The following SARS2 variants were observed in gnomAD, a reference collection of about 807,000 sequenced individuals.
SARS2 encodes the protein serine--tRNA ligase, mitochondrial.
A neutral mutation model predicts 66.8 loss-of-function variants in SARS2; 52 were observed. The ratio of observed to expected loss-of-function variants is 0.78; its 90% CI spans 0.62 to 0.98. SARS2 has a LOEUF of 0.98. Among genes scored for constraint, SARS2 ranks in the 50% least tolerant of loss-of-function variants. The probability of loss-of-function intolerance (pLI) is 0.00; values close to 1 mark genes in which losing one functional copy is unlikely to be tolerated. For missense variants in SARS2, 673 were observed against 706.3 expected, an observed-to-expected ratio of 0.95 and a Z score of 0.53; for synonymous variants, 306 against 281.4, an observed-to-expected ratio of 1.09 and a Z score of -0.87.
Position 38,916,031 on chromosome 19 carries a change from C to T in SARS2, c.1347+6G>A. 6.2e-7 allele frequency: 1 copy of T among 1,613,340 alleles called. No homozygotes were observed. The highest frequency in any genetic ancestry group is 1.1e-5 in the South Asian group (1 of 91,064). ...GCACGCGGGCAGGAGGCTGTGCGGG[C>T]CTCACCGTGTGGGCAAACTGCAGCT... On this transcript the variant is annotated splice_donor_region_variant and intron_variant, in intron 14 of 15. Transcript: ENST00000221431.
rs149460243 is a variant in SARS2, at chr19:38,921,607, G to T, written c.454C>A (p.Leu152Met). Residue 152 changes from leucine (L) to methionine (M), a missense_variant, in exon 4 of 16, where the codon CTG (leucine) becomes ATG (methionine). Coordinates refer to ENST00000221431, the MANE Select transcript of SARS2 (RefSeq NM_017827.4). The part of the protein sequence containing the change: ...GREIRKELVH[L>M]YPREAQLEEQ... The stretch of plus-strand genomic sequence containing the variant: ...TCAAGCTGGGCCTCCCTGGGGTACA[G>T]GTGAACAAGCTCCTTCCGGATCTCC... 5.0e-6 allele frequency: 8 copies of T among 1,614,112 alleles called. No homozygotes were observed. In the African/African-American group the frequency reaches 1.1e-4, roughly 22 times the overall value.
At chr19:38,921,958 C>A (rs761557090) in intron 3 of SARS2, 11 of 1,550,266 alleles carry the variant, frequency 7.1e-6, no homozygotes, top group African/African-American at 6.8e-5. Context: ...AGGACTTTAA[C>A]TGGAACTATC....
chr19:38,926,338 A>T (rs1184585807), intron 1 of SARS2, 38 bp from the exon 2 acceptor site: 2 of 1,583,132 alleles, frequency 1.3e-6, no homozygotes, highest in Non-Finnish European at 1.7e-6. Flanking sequence ...TGAAGCAGCC[A>T]TCACCCCTAC....
intron 2 of SARS2, among the ~76,000 whole-genome samples, chr19:38,923,279 T>TG (rs1285238954): frequency 2.4e-5 from 3 of 127,594 alleles, no homozygotes; most frequent in Admixed American, 8.9e-5. Flanking sequence ...TGGAGTGCAG[T>TG]GGGGGGATCT....
chr19:38,921,903 A>C lies in SARS2; in HGVS notation c.394-236T>G, dbSNP rs976468114. The C allele has an allele frequency of 2.8e-6, 4 of 1,448,358 alleles. No individual in the cohort carries two copies. In the African/African-American group the frequency reaches 5.6e-5, roughly 20 times the overall value. The allele number at this position is 1,448,358 out of a possible 1,614,324, so 89.7% of individuals were successfully genotyped here. A position where few individuals can be genotyped will look rare whatever the true frequency, so the allele number is the denominator to read the frequency against. ...TTGCCTTGGCCACAATGACTGGCTC[A>C]GAGACAGGCACCTGATGTCAGCTGA... is the stretch of plus-strand genomic sequence containing the variant. On this transcript the variant is annotated intron_variant, in intron 3 of 15. Transcript: ENST00000221431.
rs200211859 is a variant in SARS2, at chr19:38,917,966, C to A, written c.1005G>T (p.Thr335=). Residue 335 remains threonine (T), a synonymous_variant, in exon 11 of 16, where the codon ACG becomes ACT. Coordinates refer to ENST00000221431, the MANE Select transcript of SARS2 (RefSeq NM_017827.4). ...SSTCYRAETN[T]GQEPRGLYRV... is the part of the protein sequence containing the mutation. The stretch of plus-strand genomic sequence containing the variant: ...GATACAGCCCCCGGGGTTCCTGTCC[C>A]GTGTTTGTCTCTGCCCGGTAGCAGG... The A allele has an allele frequency of 1.1e-5, 18 of 1,607,322 alleles. No individual in the cohort carries two copies. The East Asian group carries it at 1.8e-4, about 16-fold the overall frequency.
intron 2 of SARS2, among the ~76,000 whole-genome samples, chr19:38,924,598 G>A (rs1011032639): frequency 1.3e-5 from 2 of 152,140 alleles, no homozygotes; most frequent in South Asian, 4.2e-4. Flanking sequence ...GCCTAGGTGC[G>A]AACCTTGCCT....
Position 38,918,761 on chromosome 19 carries a change from C to T in SARS2, c.807+5G>A. On this transcript the variant is annotated splice_donor_5th_base_variant and intron_variant, in intron 8 of 15. Transcript: ENST00000221431. ...GGGCGAGGGAAGCGGAGAGGCCTCA[C>T]TCACAAACACTGCTCCGCGGAGAAG... 1 of 1,559,052 alleles carries T rather than the reference C, an allele frequency of 6.4e-7. No homozygotes were observed. The highest frequency in any genetic ancestry group is 1.4e-5 in the African/African-American group (1 of 74,034).
chr19:38,915,517 A>C lies in SARS2; in HGVS notation c.*89T>G, dbSNP rs1156644921. 1 of 1,504,962 alleles carries C rather than the reference A, an allele frequency of 6.6e-7. No homozygotes were observed. Among genetic ancestry groups the C allele is most frequent in the Admixed American group, 1.8e-5 (1 of 57,000 alleles). 93.2% of individuals were successfully genotyped at this position (1,504,962 alleles called of 1,614,324 possible). A position where few individuals can be genotyped will look rare whatever the true frequency, so the allele number is the denominator to read the frequency against. On this transcript the variant is annotated 3_prime_UTR_variant, in exon 16 of 16. Coordinates refer to ENST00000221431, the MANE Select transcript of SARS2 (RefSeq NM_017827.4). ...TGACAGGAAGAACACAGATGTCAGG[A>C]CGGGCTCAGCAACACAGGTCCCAGG... is the stretch of plus-strand genomic sequence containing the variant.
At position 38,930,691 on chromosome 19, in the gene SARS2, G is replaced by A; in HGVS notation, c.46C>T (p.Arg16Trp). ...ARRLWPLLTRRGFRPRGGCIS... is the reference protein window; with the variant it reads ...ARRLWPLLTRWGFRPRGGCIS... The stretch of plus-strand genomic sequence containing the variant: ...CAGCCTCCCCGGGGCCGGAACCCCC[G>A]ACGAGTCAGCAAAGGCCACAAGCGC... Residue 16 changes from arginine to tryptophan, a missense_variant, in exon 1 of 16, where the codon CGG (arginine) becomes TGG (tryptophan). Transcript: ENST00000221431. The A allele has an allele frequency of 1.2e-6, 2 of 1,613,876 alleles. No homozygotes were observed. Among genetic ancestry groups the A allele is most frequent in the Non-Finnish European group, 8.5e-7 (1 of 1,180,026 alleles).
At chr19:38,929,549 C>CT (rs1354586713) in intron 1 of SARS2, among the ~76,000 whole-genome samples, 1 of 133,594 alleles carries the variant, frequency 7.5e-6, no homozygotes, top group Admixed American at 8.1e-5. Context: ...GGCGACAGAA[C>CT]AACACCCTAT....
intron 2 of SARS2, among the ~76,000 whole-genome samples, chr19:38,923,860 G>A (rs1345002564): frequency 2.6e-5 from 4 of 152,120 alleles, no homozygotes; most frequent in Non-Finnish European, 5.9e-5. Flanking sequence ...TGTAGTCCCA[G>A]CTACTCGGGA....
At position 38,918,929 on chromosome 19, in the gene SARS2, G is replaced by C. The variant is rs370206445; in HGVS notation, c.760-116C>G. Reference sequence around the variant, plus strand: ...CTCCTCAGACGAAACTGAGGCAGGGGCTGGCGCAGTGGCTCACCCATGTAA... The same window carrying C: ...CTCCTCAGACGAAACTGAGGCAGGGCCTGGCGCAGTGGCTCACCCATGTAA... On this transcript the variant is annotated intron_variant, in intron 7 of 15. Transcript: ENST00000221431. 2.0e-5 allele frequency: 21 copies of C among 1,052,886 alleles called. 1 individual carries two copies. The highest frequency in any genetic ancestry group is 4.1e-5 in the Admixed American group (2 of 48,936). 65.2% of individuals were successfully genotyped at this position (1,052,886 alleles called of 1,614,324 possible). A position where few individuals can be genotyped will look rare whatever the true frequency, so the allele number is the denominator to read the frequency against.
In SARS2 at chr19:38,926,305, G is replaced by C. The variant is rs765399174; in HGVS notation, c.268-5C>G. 6.2e-7 allele frequency: 1 copy of C among 1,602,806 alleles called. No individual in the cohort carries two copies. The highest frequency in any genetic ancestry group is 8.5e-7 in the Non-Finnish European group (1 of 1,179,702). ...CAGCTCCTGCCATGTCGAGATCTGG[G>C]GTGGATATAAGAGAAAAGGAGATGA... is the stretch of plus-strand genomic sequence containing the variant. On this transcript the variant is annotated splice_polypyrimidine_tract_variant and splice_region_variant and intron_variant, in intron 1 of 15. Transcript: ENST00000221431.
rs562865307 is a variant in SARS2, at chr19:38,917,582, T to G, written c.1160+142A>C. ...GGCAGACAGATTGGGATCCTGTATA[T>G]GCTCCTGTAATCCTTGTACAGGAAA... On this transcript the variant is annotated intron_variant, in intron 12 of 15. Transcript: ENST00000221431. 41 of 718,348 alleles carry G rather than the reference T, an allele frequency of 5.7e-5. No individual in the cohort carries two copies. In the African/African-American group the frequency reaches 7.0e-4, roughly 12 times the overall value. 44.5% of individuals were successfully genotyped at this position (718,348 alleles called of 1,614,324 possible).
chr19:38,922,218 A>G lies in SARS2; in HGVS notation c.393+20T>C. 1 of 1,613,530 alleles carries G rather than the reference A, an allele frequency of 6.2e-7. No individual in the cohort carries two copies. ...CTGCCCACCCCCAACCCTGGATAGG[A>G]CATCAACTCTTCACAGTACCTGCTG... On this transcript the variant is annotated intron_variant, in intron 3 of 15. Coordinates refer to ENST00000221431, the MANE Select transcript of SARS2 (RefSeq NM_017827.4).
At chr19:38,921,103 C>G (rs1045448740) in intron 5 of SARS2, among the ~76,000 whole-genome samples, 12 of 148,794 alleles carry the variant, frequency 8.1e-5, no homozygotes, top group Non-Finnish European at 1.8e-4. Context: ...ACATGACACA[C>G]AGTCACACAA....
In SARS2 at chr19:38,918,406, C is replaced by A; in HGVS notation, c.916+16G>T. ...CATCACTCCTGCTCCTCCCCACCAC[C>A]CACACAGGTCCTCACCTGCAAGCCC... On this transcript the variant is annotated intron_variant, in intron 9 of 15. Coordinates refer to ENST00000221431, the MANE Select transcript of SARS2 (RefSeq NM_017827.4). The A allele has an allele frequency of 6.2e-7, 1 of 1,603,648 alleles. No individual in the cohort carries two copies. Among genetic ancestry groups the A allele is most frequent in the Non-Finnish European group, 8.5e-7 (1 of 1,170,498 alleles).
At chr19:38,921,259 G>A (rs763765501) in intron 5 of SARS2, 133 bp downstream of exon 5, 8 of 946,732 alleles carry the variant, frequency 8.5e-6, no homozygotes, top group Non-Finnish European at 1.3e-5. Flanking sequence ...CAGGAAGCTG[G>A]AGCCACCTCC....
Sources: gnomAD v4.1 joint callset for allele counts (sites outside exome capture counted in the v4.1 genomes callset) on GRCh38, gnomAD v4.1.1 for gene constraint, MANE v1.5 for transcripts, NCBI Gene and HGNC (gene_info 2026-07-23, HGNC 2026-07-21) for gene names.